Variants in TPTE observed in about 807,000 individuals in gnomAD.
TPTE encodes putative tyrosine-protein phosphatase TPTE.
In TPTE, 59 loss-of-function variants were observed where a neutral mutation model predicts 84.1. The ratio of observed to expected loss-of-function variants is 0.70; its 90% CI spans 0.57 to 0.87. TPTE has a LOEUF of 0.87. Among genes scored for constraint, TPTE ranks in the 40% least tolerant of loss-of-function variants. The probability of loss-of-function intolerance (pLI) is 0.00; values close to 1 mark genes in which losing one functional copy is unlikely to be tolerated. For synonymous variants in TPTE, 130 were observed against 223.5 expected, an observed-to-expected ratio of 0.58 and a Z score of 3.73; for missense variants, 382 against 659.6, an observed-to-expected ratio of 0.58 and a Z score of 4.61.
At chr21:10,545,718 TA>T (rs1485082379) in intron 7 of TPTE, among the ~76,000 whole-genome samples, 1 of 151,294 alleles carries the variant, frequency 6.6e-6, no homozygotes, top group Non-Finnish European at 1.5e-5. Flanking sequence ...ATATATGTAA[TA>T]TATATAGATA....
chr21:10,522,064 C>A (rs1248457270), intron 1 of TPTE, among the ~76,000 whole-genome samples: 1 of 151,836 alleles, frequency 6.6e-6, no homozygotes, highest in Admixed American at 6.6e-5. Flanking sequence ...GCGCGCCCCC[C>A]GCCCGCGCCA....
chr21:10,601,644 G>C (rs1394353883), intron 21 of TPTE, among the ~76,000 whole-genome samples: 20 of 152,332 alleles, frequency 1.3e-4, no homozygotes, highest in African/African-American at 4.8e-4. Flanking sequence ...ACTTGAAGCA[G>C]GAGTTTGAGA....
intron 14 of TPTE, chr21:10,576,255 C>A (rs2075147019): frequency 1.0e-5 from 2 of 196,740 alleles, no homozygotes; most frequent in African/African-American, 2.4e-5. Context: ...GAGCGGGAAC[C>A]TTTGTAGTGC....
At position 10,542,563 on chromosome 21, in the gene TPTE, T is replaced by TTCATCCATC. The variant is rs2074389728; in HGVS notation, c.119+115_119+116insTCATCCATC. ...TCCATCCATCCATCCATCCATCCAT[T>TTCATCCATC]CATCCATCCATCCATCCATCCATCC... On this transcript the variant is annotated intron_variant, in intron 6 of 23. Coordinates refer to ENST00000618007, the MANE Select transcript of TPTE (RefSeq NM_199261.4). The TTCATCCATC allele has an allele frequency of 8.2e-5, 67 of 821,914 alleles. No individual in the cohort carries two copies. In the African/African-American group the frequency reaches 1.9e-3, roughly 23 times the overall value. The allele number at this position is 821,914 out of a possible 1,614,324, so 50.9% of individuals were successfully genotyped here.
intron 14 of TPTE, among the ~76,000 whole-genome samples, chr21:10,572,856 A>T (rs1600929453): frequency 6.6e-6 from 1 of 152,302 alleles, no homozygotes; most frequent in African/African-American, 2.4e-5. Flanking sequence ...AAGAGAAAGG[A>T]ATCAAACTTT....
intron 17 of TPTE, among the ~76,000 whole-genome samples, chr21:10,579,703 C>T (rs1204443385): frequency 1.1e-4 from 16 of 152,286 alleles, no homozygotes; most frequent in African/African-American, 3.6e-4. Flanking sequence ...CATATTATCT[C>T]GAGTGACAGG....
At chr21:10,541,824 G>A (rs945315776) in intron 5 of TPTE, among the ~76,000 whole-genome samples, 1 of 152,306 alleles carries the variant, frequency 6.6e-6, no homozygotes, top group Non-Finnish European at 1.5e-5. Context: ...AGGAGTACTT[G>A]GGGAACTGTG....
intron 2 of TPTE, 44 bp downstream of exon 2, chr21:10,524,732 A>T (rs1438429089): frequency 2.0e-5 from 3 of 152,782 alleles, no homozygotes; most frequent in Admixed American, 6.5e-5. Flanking sequence ...CCAGAAATCC[A>T]GCTCTGCCTT....
intron 7 of TPTE, among the ~76,000 whole-genome samples, chr21:10,549,551 T>C (rs1357093055): frequency 8.5e-4 from 129 of 152,314 alleles, no homozygotes; most frequent in African/African-American, 3.0e-3. Context: ...ATGGATGAAA[T>C]GAAAAAATAC....
intron 5 of TPTE, among the ~76,000 whole-genome samples, chr21:10,541,534 G>A (rs1375740099): frequency 3.3e-5 from 5 of 152,374 alleles, no homozygotes; most frequent in South Asian, 2.1e-4. Context: ...GAAAGAGACC[G>A]AGATTAGTGG....
In TPTE at chr21:10,524,643, A is replaced by G. The variant is rs1027330552; in HGVS notation, c.-147A>G. The G allele has an allele frequency of 5.9e-5, 9 of 152,978 alleles. No individual in the cohort carries two copies. The highest frequency in any genetic ancestry group is 1.2e-4 in the Non-Finnish European group (8 of 68,596). The allele number at this position is 152,978 out of a possible 1,614,324, so 9.5% of individuals were successfully genotyped here. On this transcript the variant is annotated 5_prime_UTR_variant, in exon 2 of 24. Coordinates refer to ENST00000618007, the MANE Select transcript of TPTE (RefSeq NM_199261.4). ...TTATTCTAGCAGCTGAACACACCCCAGGCTCTTCTGCCCGGCAGTGGCTCT... is the reference window on the plus strand; with the variant it reads ...TTATTCTAGCAGCTGAACACACCCCGGGCTCTTCTGCCCGGCAGTGGCTCT...
chr21:10,527,897 G>T (rs1193233392), intron 3 of TPTE, among the ~76,000 whole-genome samples: 2 of 152,312 alleles, frequency 1.3e-5, no homozygotes, highest in Admixed American at 1.3e-4. Context: ...GAAGGTGGTG[G>T]AGGGACTTGA....
At chr21:10,529,336 G>A in intron 3 of TPTE, among the ~76,000 whole-genome samples, 1 of 152,426 alleles carries the variant, frequency 6.6e-6, no homozygotes, top group South Asian at 2.1e-4. Flanking sequence ...GGAAGATGAT[G>A]CAAAGATGGA....
At chr21:10,542,745 T>C (rs1331964772) in intron 6 of TPTE, among the ~76,000 whole-genome samples, 1 of 143,746 alleles carries the variant, frequency 7.0e-6, no homozygotes, top group Non-Finnish European at 1.5e-5. Context: ...GCCATAGAGA[T>C]TTTTTTTTTT....
At chr21:10,541,040 T>C (rs1184856560) in intron 4 of TPTE, 72 bp from the exon 5 acceptor site, 1 of 1,594,742 alleles carries the variant, frequency 6.3e-7, no homozygotes, top group Non-Finnish European at 8.6e-7. Context: ...ACACATAGAC[T>C]AACTGTAGCT....
intron 17 of TPTE, among the ~76,000 whole-genome samples, chr21:10,588,539 G>A (rs1482011099): frequency 6.6e-6 from 1 of 152,304 alleles, no homozygotes; most frequent in African/African-American, 2.4e-5. Flanking sequence ...TGGCTTTATT[G>A]TACTTAGATG....
intron 2 of TPTE, among the ~76,000 whole-genome samples, chr21:10,526,532 T>G (rs1448949900): frequency 1.3e-5 from 2 of 152,312 alleles, no homozygotes; most frequent in Admixed American, 6.5e-5. Context: ...GAATCCCAGT[T>G]GTTATCAGCA....
At chr21:10,560,347 A>G (rs543768933) in intron 9 of TPTE, among the ~76,000 whole-genome samples, 2 of 152,426 alleles carry the variant, frequency 1.3e-5, no homozygotes, top group Admixed American at 1.3e-4. Context: ...TGAATTAATA[A>G]TATTTGAATT....
intron 20 of TPTE, 90 bp downstream of exon 20, chr21:10,596,177 G>A: frequency 1.3e-6 from 2 of 1,520,998 alleles, no homozygotes; most frequent in South Asian, 2.3e-5. Context: ...ATATACAGAT[G>A]ATCCTAACTC....
Sources: gnomAD v4.1 joint callset for allele counts (sites outside exome capture counted in the v4.1 genomes callset) on GRCh38, gnomAD v4.1.1 for gene constraint, MANE v1.5 for transcripts, NCBI Gene and HGNC (gene_info 2026-07-23, HGNC 2026-07-21) for gene names.